The following GGA1 variants were observed in gnomAD, a reference collection of about 807,000 sequenced individuals.
GGA1 encodes the protein golgi associated, gamma adaptin ear containing, ARF binding protein 1, also known as ADP-ribosylation factor-binding protein GGA1.
A neutral mutation model predicts 76.9 loss-of-function variants in GGA1; 18 were observed. The ratio of observed to expected loss-of-function variants is 0.23; its 90% CI spans 0.16 to 0.35. The LOEUF is 0.35. Among genes scored for constraint, GGA1 ranks in the 10% least tolerant of loss-of-function variants. The pLI, the probability that GGA1 is intolerant of heterozygous loss-of-function variation, is 1.00. For missense variants in GGA1, 755 were observed against 859.0 expected (o/e 0.88, Z 1.51); for synonymous variants, 342 against 354.7 (o/e 0.96, Z 0.40).
chr22:37,624,852 C>G lies in GGA1; in HGVS notation c.833-117C>G, dbSNP rs1452049564. The G allele has an allele frequency of 2.8e-6, 4 of 1,412,168 alleles. No homozygotes were observed. Among genetic ancestry groups the G allele is most frequent in the Non-Finnish European group, 2.8e-6 (3 of 1,052,680 alleles). The allele number at this position is 1,412,168 out of a possible 1,614,324, so 87.5% of individuals were successfully genotyped here. ...TCAGCAGACGAGATGGGCTGTTTCC[C>G]TGCCCCTTTCCCTTCCCCTCACACA... On this transcript the variant is annotated intron_variant, in intron 9 of 16. Coordinates refer to ENST00000343632, the MANE Select transcript of GGA1 (RefSeq NM_013365.5). The surrounding 1 kb of genome is among the most constrained non-coding windows in gnomAD (Gnocchi z 4.3).
chr22:37,617,243 G>C, intron 3 of GGA1: 1 of 1,369,552 alleles, frequency 7.3e-7, no homozygotes, highest in East Asian at 3.0e-5. Context: ...TCTGGTCCAG[G>C]GGTTCTTTGC....
At position 37,632,509 on chromosome 22, in the gene GGA1, C is replaced by G. The variant is rs376452139; in HGVS notation, c.1803C>G (p.Pro601=). 8 of 1,611,848 alleles carry G rather than the reference C, an allele frequency of 5.0e-6. No homozygotes were observed. Among genetic ancestry groups the G allele is most frequent in the Non-Finnish European group, 6.8e-6 (8 of 1,178,146 alleles). ...AITQVLLLAN[P]QKEKVRLRYK... ...CCCAGGTCCTGCTGCTTGCCAACCCCCAGAAGGTAAGGGGCCCCCAGGCAG... is the reference window on the plus strand; with the variant it reads ...CCCAGGTCCTGCTGCTTGCCAACCCGCAGAAGGTAAGGGGCCCCCAGGCAG... The change falls in exon 16 of 17, where the codon CCC becomes CCG. Residue 601 remains proline (P), a synonymous_variant. Coordinates refer to ENST00000343632, the MANE Select transcript of GGA1 (RefSeq NM_013365.5). The surrounding 1 kb of genome is among the most constrained non-coding windows in gnomAD (Gnocchi z 5.1).
At chr22:37,613,944 A>G in intron 1 of GGA1, 1 of 475,222 alleles carries the variant, frequency 2.1e-6, no homozygotes, top group Non-Finnish European at 3.9e-6. Flanking sequence ...AGGAGTGGGG[A>G]GGAGGGGAAG....
chr22:37,627,170 AGAAAAAGAAAAG>A (rs780703527), intron 11 of GGA1: 33 of 152,266 alleles, frequency 2.2e-4, no homozygotes, highest in Admixed American at 3.9e-4. Context: ...CACAAAAAAA[AGAAAAAGAAAAG>A]GAAAAAGAAA....
At chr22:37,631,495 C>T (rs549328601) in intron 14 of GGA1, among the ~76,000 whole-genome samples, 3 of 152,262 alleles carry the variant, frequency 2.0e-5, no homozygotes, top group Admixed American at 2.0e-4. Flanking sequence ...ATGGCCCAGC[C>T]CCGGGCCCCA....
At chr22:37,613,788 G>A (rs1450097101) in intron 1 of GGA1, among the ~76,000 whole-genome samples, 1 of 152,128 alleles carries the variant, frequency 6.6e-6, no homozygotes, top group Non-Finnish European at 1.5e-5. Context: ...CGGCTACACA[G>A]CTCCTTGAGG....
At chr22:37,630,343 G>T in intron 13 of GGA1, 173 bp downstream of exon 13, 1 of 560,692 alleles carries the variant, frequency 1.8e-6, no homozygotes, top group Non-Finnish European at 3.0e-6. Context: ...AGTGCCCAAG[G>T]CAGACCTGGG....
At chr22:37,628,191 A>G (rs1273291768) in intron 11 of GGA1, among the ~76,000 whole-genome samples, 2 of 152,146 alleles carry the variant, frequency 1.3e-5, no homozygotes, top group Non-Finnish European at 2.9e-5. Context: ...TTCTGGCTTC[A>G]ACTAATCCTC....
intron 11 of GGA1, chr22:37,626,646 A>G (rs888771032): frequency 2.0e-5 from 3 of 152,284 alleles, no homozygotes; most frequent in Non-Finnish European, 4.4e-5. Context: ...ATATGTTGGA[A>G]GCCAAGATTC....
rs1043461365 is a variant in GGA1 at position 37,624,813 on chromosome 22, G to A, written c.833-156G>A. 32 of 996,754 alleles carry A rather than the reference G, an allele frequency of 3.2e-5. No homozygotes were observed. The highest frequency in any genetic ancestry group is 8.2e-5 in the East Asian group (3 of 36,520). 61.7% of individuals were successfully genotyped at this position (996,754 alleles called of 1,614,324 possible). On this transcript the variant is annotated intron_variant, in intron 9 of 16. Coordinates refer to ENST00000343632, the MANE Select transcript of GGA1 (RefSeq NM_013365.5). This position sits in a 1 kb window ranked among gnomAD's most constrained non-coding sequence, Gnocchi z 4.3. Reference sequence around the variant, plus strand: ...TGGGAGGTGAGACCAGGGAGGTGGCGGAGGGCCAGAGTCTCAGCAGACGAG... The same window carrying A: ...TGGGAGGTGAGACCAGGGAGGTGGCAGAGGGCCAGAGTCTCAGCAGACGAG...
At chr22:37,617,184 A>G (rs1391971933) in intron 3 of GGA1, 187 bp downstream of exon 3, 1 of 1,456,970 alleles carries the variant, frequency 6.9e-7, no homozygotes, top group South Asian at 1.4e-5. Flanking sequence ...CTCCCACCCC[A>G]GCATCCATAC....
chr22:37,631,909 C>G lies in GGA1; in HGVS notation c.1529-87C>G, dbSNP rs1004624655. ...CTCTTGTTGCCAGTACAGCAGCCAG[C>G]TCCTGAGGCCAGCCGGGTGGGGGCT... On this transcript the variant is annotated intron_variant, in intron 14 of 16. Transcript: ENST00000343632. The G allele has an allele frequency of 2.5e-6, 3 of 1,213,578 alleles. No individual in the cohort carries two copies. The African/African-American group carries it at 4.5e-5, about 18-fold the overall frequency. 75.2% of individuals were successfully genotyped at this position (1,213,578 alleles called of 1,614,324 possible).
chr22:37,609,236 CG>C (rs1198338463), intron 1 of GGA1: 13 of 1,199,314 alleles, frequency 1.1e-5, no homozygotes, highest in Admixed American at 5.0e-5. Context: ...AGTAGCGGCC[CG>C]GGGAAGGAGC....
chr22:37,609,357 G>GC, intron 1 of GGA1: 1 of 1,096,566 alleles, frequency 9.1e-7, no homozygotes, highest in Non-Finnish European at 1.1e-6. Context: ...CCTGGAGCCC[G>GC]CAAGTAGTCA....
intron 11 of GGA1, among the ~76,000 whole-genome samples, chr22:37,629,259 T>TG (rs957618489): frequency 6.6e-6 from 1 of 152,080 alleles, no homozygotes. Flanking sequence ...GAAGCGTGTG[T>TG]GGGGTCAGCA....
At chr22:37,618,354 C>A in intron 3 of GGA1, 94 bp from the exon 4 acceptor site, 1 of 704,054 alleles carries the variant, frequency 1.4e-6, no homozygotes. Context: ...TGAAAGCCCA[C>A]CCATGGGCTT....
intron 2 of GGA1, among the ~76,000 whole-genome samples, 191 bp from the exon 3 acceptor site, chr22:37,616,731 C>G (rs1928862692): frequency 6.6e-6 from 1 of 152,178 alleles, no homozygotes; most frequent in Non-Finnish European, 1.5e-5. Context: ...GGAGAGGGAG[C>G]TGGGCCTTTG....
intron 1 of GGA1, chr22:37,609,414 T>G: frequency 1.3e-6 from 1 of 786,872 alleles, no homozygotes; most frequent in African/African-American, 1.9e-5. Context: ...ACTGCCCCAT[T>G]TGATTCCTCC....
chr22:37,617,667 C>T, intron 3 of GGA1: 2 of 614,198 alleles, frequency 3.3e-6, no homozygotes, highest in Non-Finnish European at 4.1e-6. Flanking sequence ...CCACTGTACT[C>T]CAGACTGGAC....
Sources: allele counts gnomAD v4.1 joint callset (sites outside exome capture counted in the v4.1 genomes callset), GRCh38; gene constraint gnomAD v4.1.1; non-coding constraint Gnocchi (gnomAD v3.1); transcripts MANE v1.5; gene names NCBI Gene and HGNC (gene_info 2026-07-23, HGNC 2026-07-21).